PRMT8: variants seen among roughly 807,000 people sequenced by gnomAD.
PRMT8 encodes the protein protein arginine N-methyltransferase 8.
In PRMT8, 7 loss-of-function variants were observed where a neutral mutation model predicts 47.1. The ratio of observed to expected loss-of-function variants is 0.15; its 90% CI spans 0.08 to 0.28. PRMT8 has a LOEUF of 0.28. Among genes scored for constraint, PRMT8 ranks in the 10% least tolerant of loss-of-function variants. The probability of loss-of-function intolerance (pLI) is 1.00; values close to 1 mark genes in which losing one functional copy is unlikely to be tolerated. For missense variants in PRMT8, 237 were observed against 505.4 expected (o/e 0.47, Z 5.09); for synonymous variants, 188 against 186.5 (o/e 1.01, Z -0.07).
At chr12:3,425,987 G>A (rs1864600130) in intron 1 of PRMT8, among the ~76,000 whole-genome samples, 1 of 152,268 alleles carries the variant, frequency 6.6e-6, no homozygotes, top group Non-Finnish European at 1.5e-5. Flanking sequence ...GAGACATGAA[G>A]TGAACTTAAT....
chr12:3,426,919 C>T (rs969236026), intron 1 of PRMT8, among the ~76,000 whole-genome samples: 3 of 151,886 alleles, frequency 2.0e-5, no homozygotes, highest in Non-Finnish European at 4.4e-5. Flanking sequence ...CTTCTTTCCA[C>T]CCTTTGATGA....
chr12:3,548,011 T>C (rs1414857118), intron 2 of PRMT8, among the ~76,000 whole-genome samples: 1 of 152,178 alleles, frequency 6.6e-6, no homozygotes, highest in Non-Finnish European at 1.5e-5. Context: ...AAAGTTAATA[T>C]AAAGGTGCAG....
intron 1 of PRMT8, among the ~76,000 whole-genome samples, chr12:3,389,044 A>G (rs902877784): frequency 1.5e-4 from 23 of 152,210 alleles, no homozygotes; most frequent in African/African-American, 2.4e-4. Context: ...CACACTGGGA[A>G]TGATGCCATT....
chr12:3,454,746 G>C (rs959571132), intron 1 of PRMT8, among the ~76,000 whole-genome samples: 4 of 152,102 alleles, frequency 2.6e-5, no homozygotes, highest in African/African-American at 9.7e-5. Flanking sequence ...GTCGGCCTGC[G>C]CTCCCACCTG....
intron 1 of PRMT8, among the ~76,000 whole-genome samples, chr12:3,448,138 AG>A (rs1864877121): frequency 6.6e-6 from 1 of 152,210 alleles, no homozygotes; most frequent in African/African-American, 2.4e-5. Flanking sequence ...CTAGGACTAC[AG>A]GCATGTGGCA....
Position 3,572,462 on chromosome 12 carries a change from G to C in PRMT8, c.712+2898G>C, listed in dbSNP as rs1431451157. Reference sequence around the variant, plus strand: ...TGAATCTACACCCTGCTGAGAATGAGAGAGATGGGCACCAGTTTCTTGGCT... The same window carrying C: ...TGAATCTACACCCTGCTGAGAATGACAGAGATGGGCACCAGTTTCTTGGCT... On this transcript the variant is annotated intron_variant, in intron 6 of 9. Transcript: ENST00000382622. This position sits in a 1 kb window ranked among gnomAD's most constrained non-coding sequence, Gnocchi z 5.9. Among the ~76,000 whole-genome samples, 2 of 152,212 alleles carry C rather than the reference G, an allele frequency of 1.3e-5. No homozygotes were observed. Among genetic ancestry groups the C allele is most frequent in the Non-Finnish European group, 2.9e-5 (2 of 68,038 alleles).
intron 2 of PRMT8, among the ~76,000 whole-genome samples, chr12:3,542,008 G>C (rs984673385): frequency 7.1e-6 from 1 of 140,564 alleles, no homozygotes; most frequent in Non-Finnish European, 1.6e-5. Context: ...TTCACCTTTT[G>C]TTCCTAACCA....
chr12:3,493,639 T>C lies in PRMT8; in HGVS notation c.75+1939T>C, dbSNP rs1186134678. ...CCAGCCTCGGCGAGGGTTAAAGGCGTCCGGAGCAGGCAGAGCGCCGCGCGC... is the reference window on the plus strand; with the variant it reads ...CCAGCCTCGGCGAGGGTTAAAGGCGCCCGGAGCAGGCAGAGCGCCGCGCGC... On this transcript the variant is annotated intron_variant, in intron 1 of 9. Coordinates refer to ENST00000382622, the MANE Select transcript of PRMT8 (RefSeq NM_019854.5). The surrounding 1 kb of genome is among the most constrained non-coding windows in gnomAD (Gnocchi z 8.2). Among the ~76,000 whole-genome samples the C allele has an allele frequency of 6.6e-6, 1 of 152,210 alleles. No homozygotes were observed. Among genetic ancestry groups the C allele is most frequent in the East Asian group, 1.9e-4 (1 of 5,192 alleles).
intron 1 of PRMT8, among the ~76,000 whole-genome samples, chr12:3,483,779 A>T (rs531526567): frequency 4.1e-4 from 63 of 152,260 alleles, no homozygotes; most frequent in African/African-American, 1.5e-3. Flanking sequence ...TCAAAGAACA[A>T]TTTTTTTTCA....
intron 8 of PRMT8, among the ~76,000 whole-genome samples, chr12:3,589,233 C>T (rs1033939804): frequency 3.3e-5 from 5 of 152,168 alleles, no homozygotes; most frequent in Admixed American, 2.0e-4. Flanking sequence ...GCCAGGAAAA[C>T]AGATGTGAAC....
intron 2 of PRMT8, among the ~76,000 whole-genome samples, chr12:3,541,621 G>A (rs1866232325): frequency 6.6e-6 from 1 of 152,214 alleles, no homozygotes; most frequent in African/African-American, 2.4e-5. Context: ...TTTGCTTGCT[G>A]TGCAAATCGG....
chr12:3,516,399 G>A (rs1865792251), intron 1 of PRMT8, among the ~76,000 whole-genome samples: 2 of 152,138 alleles, frequency 1.3e-5, no homozygotes, highest in Admixed American at 1.3e-4. Context: ...TGTTCACTCA[G>A]CGTAAGAGAC....
At position 3,405,221 on chromosome 12, in the gene PRMT8, C is replaced by T. The variant is rs539422888; in HGVS notation, c.48+23779C>T. On this transcript the variant is annotated intron_variant, in intron 1 of 9. Coordinates refer to the PRMT8 transcript ENST00000452611. ...GCAAAGGGGGAAGCCCCTTATAAAA[C>T]CATCAGATCTTGTGAAAACTCACTC... Among the ~76,000 whole-genome samples the T allele has an allele frequency of 6.8e-4, 103 of 152,254 alleles. No homozygotes were observed. The Middle Eastern group carries it at 0.01, about 15-fold the overall frequency.
chr12:3,459,756 G>A (rs1196539414), intron 1 of PRMT8, among the ~76,000 whole-genome samples: 1 of 152,078 alleles, frequency 6.6e-6, no homozygotes, highest in East Asian at 1.9e-4. Flanking sequence ...AGACGCTGGA[G>A]CCTTCCTCCT....
intron 1 of PRMT8, among the ~76,000 whole-genome samples, chr12:3,465,796 C>A (rs1865091999): frequency 6.6e-6 from 1 of 152,182 alleles, no homozygotes; most frequent in Non-Finnish European, 1.5e-5. Flanking sequence ...TGCTGTCCTG[C>A]TAATAGCATT....
Position 3,491,440 on chromosome 12 carries a change from A to T in PRMT8, c.-186A>T. 7.3e-7 allele frequency: 1 copy of T among 1,378,010 alleles called. No homozygotes were observed. The highest frequency in any genetic ancestry group is 9.4e-7 in the Non-Finnish European group (1 of 1,066,058). 85.4% of individuals were successfully genotyped at this position (1,378,010 alleles called of 1,614,324 possible). A position where few individuals can be genotyped will look rare whatever the true frequency, so the allele number is the denominator to read the frequency against. The stretch of plus-strand genomic sequence containing the variant: ...AATCCGGAGCAGATGAGAAGGGAGG[A>T]AAATAAAAGAAAGTGGAGACTGCAG... On this transcript the variant is annotated 5_prime_UTR_variant, in exon 1 of 10. Transcript: ENST00000382622.
chr12:3,450,029 T>C (rs1864901210), intron 1 of PRMT8, among the ~76,000 whole-genome samples: 1 of 152,238 alleles, frequency 6.6e-6, no homozygotes, highest in Admixed American at 6.5e-5. Flanking sequence ...TGGATTCTTA[T>C]ATCTCCTTTT....
Position 3,427,048 on chromosome 12 carries a change from A to G in PRMT8, c.48+45606A>G, listed in dbSNP as rs142797677. Reference sequence around the variant, plus strand: ...TTGTTTTAAATGTGGGGACATCAGCAGTGGACTTTATAGTCCTTGGTGTCT... The same window carrying G: ...TTGTTTTAAATGTGGGGACATCAGCGGTGGACTTTATAGTCCTTGGTGTCT... On this transcript the variant is annotated intron_variant, in intron 1 of 9. Transcript: ENST00000452611. Among the ~76,000 whole-genome samples, 289 of 152,328 alleles carry G rather than the reference A, an allele frequency of 1.9e-3. 10 individuals are homozygous for G. In the East Asian group the frequency reaches 0.044, roughly 23 times the overall value.
intron 1 of PRMT8, among the ~76,000 whole-genome samples, chr12:3,429,031 T>G (rs1864642693): frequency 1.3e-5 from 2 of 152,132 alleles, no homozygotes; most frequent in African/African-American, 4.8e-5. Flanking sequence ...TCTCTCTCTA[T>G]CTCTCTTTCC....
Sources: allele counts gnomAD v4.1 joint callset (sites outside exome capture counted in the v4.1 genomes callset), GRCh38; gene constraint gnomAD v4.1.1; non-coding constraint Gnocchi (gnomAD v3.1); transcripts MANE v1.5; gene names NCBI Gene and HGNC (gene_info 2026-07-23, HGNC 2026-07-21).